Variants in SYNE1 observed in about 807,000 individuals in gnomAD.
SYNE1 encodes the protein spectrin repeat containing nuclear envelope protein 1.
In SYNE1, 616 loss-of-function variants were observed where a neutral mutation model predicts 1,111.0. The observed-to-expected ratio is 0.55, with a 90% confidence interval of 0.52 to 0.59. SYNE1 has a LOEUF of 0.59. Ranked by LOEUF, SYNE1 falls within the 20% of genes least tolerant of loss-of-function variation. The probability of loss-of-function intolerance (pLI) is 0.00; values close to 1 mark genes in which losing one functional copy is unlikely to be tolerated. For missense variants in SYNE1, 10,006 were observed against 10,417.0 expected (o/e 0.96, Z 1.72); for synonymous variants, 3,855 against 3,825.8 (o/e 1.01, Z -0.28).
In SYNE1 at chr6:152,293,575, TG is replaced by T. The variant is rs770346448; in HGVS notation, c.18012+12del. 1.2e-6 allele frequency: 2 copies of T among 1,613,910 alleles called. No individual in the cohort carries two copies. Among genetic ancestry groups the T allele is most frequent in the Admixed American group, 3.3e-5 (2 of 60,026 alleles). On this transcript the variant is annotated intron_variant, in intron 95 of 145. Transcript: ENST00000367255. ...TCAATCAAGTAGGAAACTGAAGTCA[TG>T]GCTATTTGTACCTGATGTTCAGCCA...
At chr6:152,345,533 T>C (rs2096614316) in intron 73 of SYNE1, among the ~76,000 whole-genome samples, 1 of 151,992 alleles carries the variant, frequency 6.6e-6, no homozygotes, top group South Asian at 2.1e-4. Flanking sequence ...TCTAACCACA[T>C]CACTGATGTA....
intron 3 of SYNE1, among the ~76,000 whole-genome samples, chr6:152,611,314 A>T (rs1380783582): frequency 5.4e-5 from 4 of 74,692 alleles, no homozygotes; most frequent in African/African-American, 2.2e-4. Flanking sequence ...TACCAAGCAA[A>T]TGGAAAGCAA....
chr6:152,218,194 A>C, intron 121 of SYNE1, 63 bp downstream of exon 121: 13 of 1,603,950 alleles, frequency 8.1e-6, no homozygotes, highest in Non-Finnish European at 1.1e-5. Context: ...TCCATCTCAA[A>C]AAAAAAAAGA....
In SYNE1 at chr6:152,531,958, C is replaced by T. The variant is rs142210006; in HGVS notation, c.130-5783G>A. ...CTATTGTGATTAATGCTACTATGAG[C>T]GTGAGTGTATTAATATCTCCTGAAG... On this transcript the variant is annotated intron_variant, in intron 4 of 145. Coordinates refer to ENST00000367255, the MANE Select transcript of SYNE1 (RefSeq NM_182961.4). 4.7e-3 allele frequency among the ~76,000 whole-genome samples: 718 copies of T among 152,242 alleles called. 7 individuals carry two copies. The highest frequency in any genetic ancestry group is 0.015 in the African/African-American group (643 of 41,546).
chr6:152,454,676 A>T (rs561833487), intron 24 of SYNE1, among the ~76,000 whole-genome samples: 73 of 152,332 alleles, frequency 4.8e-4, no homozygotes, highest in Admixed American at 1.0e-3. Context: ...TTTTGTAAAA[A>T]CGGTGATTCA....
intron 3 of SYNE1, among the ~76,000 whole-genome samples, chr6:152,600,463 C>G: frequency 6.6e-6 from 1 of 152,106 alleles, no homozygotes; most frequent in Middle Eastern, 3.2e-3. Flanking sequence ...GGCATCTTCT[C>G]CTTTGTCTTA....
intron 8 of SYNE1, among the ~76,000 whole-genome samples, chr6:152,507,623 T>C (rs1171728651): frequency 6.6e-6 from 1 of 152,202 alleles, no homozygotes; most frequent in Non-Finnish European, 1.5e-5. Flanking sequence ...TGATGAACAG[T>C]GCCCAATTTA....
At chr6:152,629,208 AGTTTTT>A (rs1234248326) in intron 2 of SYNE1, among the ~76,000 whole-genome samples, 3 of 151,586 alleles carry the variant, frequency 2.0e-5, no homozygotes, top group Non-Finnish European at 2.9e-5. Context: ...GCATTGGTTA[AGTTTTT>A]GTTTTTGTTT....
chr6:152,597,076 TA>T (rs1260774376), intron 3 of SYNE1, among the ~76,000 whole-genome samples: 1 of 152,212 alleles, frequency 6.6e-6, no homozygotes, highest in Non-Finnish European at 1.5e-5. Context: ...AAATTTTTGT[TA>T]AATTGATATG....
chr6:152,286,613 C>G (rs2094343628), intron 95 of SYNE1, among the ~76,000 whole-genome samples: 1 of 152,110 alleles, frequency 6.6e-6, no homozygotes. Context: ...TTTGTGACTG[C>G]CTGCTAAAAA....
chr6:152,260,704 G>A (rs78882298), intron 101 of SYNE1, among the ~76,000 whole-genome samples: 19,698 of 151,802 alleles, frequency 0.13, 1,647 homozygotes, highest in South Asian at 0.21. Context: ...TTGGTTTCTC[G>A]GGGGTGGGAG....
intron 117 of SYNE1, 39 bp downstream of exon 117, chr6:152,224,455 T>G: frequency 1.3e-6 from 2 of 1,592,952 alleles, no homozygotes; most frequent in Admixed American, 1.7e-5. Context: ...TTTCTAAAAT[T>G]AAAATGAACG....
intron 4 of SYNE1, among the ~76,000 whole-genome samples, chr6:152,537,363 A>G (rs2099248448): frequency 6.6e-6 from 1 of 152,154 alleles, no homozygotes; most frequent in South Asian, 2.1e-4. Flanking sequence ...TAAAAATAGA[A>G]TAAAAACACA....
At chr6:152,606,733 C>T (rs1233371412) in intron 3 of SYNE1, among the ~76,000 whole-genome samples, 6 of 152,190 alleles carry the variant, frequency 3.9e-5, no homozygotes, top group African/African-American at 1.4e-4. Context: ...CTGCAAGCTC[C>T]GCCTCCCGGG....
Position 152,330,767 on chromosome 6 carries a change from A to G in SYNE1, c.13918T>C (p.Tyr4640His), listed in dbSNP as rs748256440. 58 of 1,613,904 alleles carry G rather than the reference A, an allele frequency of 3.6e-5. No individual in the cohort carries two copies. Among genetic ancestry groups the G allele is most frequent in the Non-Finnish European group, 4.4e-5 (52 of 1,180,052 alleles). ...AAAGCATTTAGCTTTTCACTGAGGT[A>G]GGAATGATCGACTTCATTCAGCGAT... The part of the protein sequence containing the change: ...LPSLNEVDHS[Y>H]LSEKLNALPR... Residue 4640 changes from tyrosine (Y) to histidine (H), a missense_variant, in exon 78 of 146, where the codon TAC becomes CAC. Tyr to His is a moderately conservative substitution (Grantham distance 83). Coordinates refer to ENST00000367255, the MANE Select transcript of SYNE1 (RefSeq NM_182961.4).
chr6:152,491,504 T>G (rs977617737), intron 11 of SYNE1, among the ~76,000 whole-genome samples: 2 of 152,278 alleles, frequency 1.3e-5, no homozygotes, highest in Non-Finnish European at 2.9e-5. Flanking sequence ...TTAAAACCTC[T>G]TCATCTCACG....
chr6:152,395,298 A>C (rs2097715123), intron 51 of SYNE1, among the ~76,000 whole-genome samples: 2 of 152,194 alleles, frequency 1.3e-5, no homozygotes, highest in Non-Finnish European at 2.9e-5. Context: ...TGGATCTGGA[A>C]TGCAGATGAG....
chr6:152,510,171 T>A, intron 8 of SYNE1, 22 bp downstream of exon 8: 1 of 1,612,834 alleles, frequency 6.2e-7, no homozygotes, highest in Non-Finnish European at 8.5e-7. Flanking sequence ...GTTTCAAATT[T>A]AGACAAACTC....
chr6:152,417,412 G>T (rs1486202361), intron 40 of SYNE1, among the ~76,000 whole-genome samples: 3 of 152,070 alleles, frequency 2.0e-5, no homozygotes, highest in Non-Finnish European at 4.4e-5. Context: ...GCAGGAGAAT[G>T]GCATGAACCC....
Sources: gnomAD v4.1 joint callset for allele counts (sites outside exome capture counted in the v4.1 genomes callset) on GRCh38, gnomAD v4.1.1 for gene constraint, MANE v1.5 for transcripts, NCBI Gene and HGNC (gene_info 2026-07-23, HGNC 2026-07-21) for gene names.